LYPD6: variants seen among roughly 807,000 people sequenced by gnomAD.
The protein encoded by LYPD6 is ly6/PLAUR domain-containing protein 6.
A neutral mutation model predicts 22.7 loss-of-function variants in LYPD6; 15 were observed. That is an observed-to-expected ratio of 0.66 (90% confidence interval 0.44 to 1.02). The LOEUF (loss-of-function observed/expected upper bound fraction) is 1.02, where lower values mean the gene tolerates loss of function less well. Among genes scored for constraint, LYPD6 ranks in the 50% least tolerant of loss-of-function variants. The probability of loss-of-function intolerance (pLI) is 0.00; values close to 1 mark genes in which losing one functional copy is unlikely to be tolerated. For missense variants in LYPD6, 189 were observed against 208.4 expected (o/e 0.91, Z 0.57); for synonymous variants, 72 against 77.5 (o/e 0.93, Z 0.37).
At chr2:149,332,720 C>G (rs1680961885) in intron 1 of LYPD6, among the ~76,000 whole-genome samples, 1 of 152,054 alleles carries the variant, frequency 6.6e-6, no homozygotes, top group African/African-American at 2.4e-5. Flanking sequence ...ATTTCTGCAC[C>G]TCTTTTTACT....
In LYPD6 at chr2:149,357,762, CA is replaced by C. The variant is rs370190150; in HGVS notation, c.-72+27041del. Among the ~76,000 whole-genome samples, 216 of 149,126 alleles carry C rather than the reference CA, an allele frequency of 1.4e-3. 1 individual carries two copies. The highest frequency in any genetic ancestry group is 5.2e-3 in the African/African-American group (211 of 40,812). On this transcript the variant is annotated intron_variant, in intron 1 of 4. Transcript: ENST00000334166. ...TCTGTGCTCTCTAAATCATGAAATA[CA>C]TTTCTTTCTTTCTTTTCTTTGCTTT...
intron 1 of LYPD6, among the ~76,000 whole-genome samples, chr2:149,358,718 T>G (rs1297698642): frequency 6.6e-6 from 1 of 152,136 alleles, no homozygotes; most frequent in East Asian, 1.9e-4. Flanking sequence ...TTCTAGATAT[T>G]AGTAGTTTTC....
chr2:149,336,200 A>T (rs1197744433), intron 1 of LYPD6, among the ~76,000 whole-genome samples: 2 of 152,196 alleles, frequency 1.3e-5, no homozygotes, highest in African/African-American at 4.8e-5. Context: ...CTCTTCCAGG[A>T]AGTAGTTTGG....
In LYPD6 at chr2:149,374,282, A is replaced by G. The variant is rs1007023516; in HGVS notation, c.-72+43560A>G. Among the ~76,000 whole-genome samples, 5 of 152,316 alleles carry G rather than the reference A, an allele frequency of 3.3e-5. 1 individual carries two copies. Among genetic ancestry groups the G allele is most frequent in the Non-Finnish European group, 1.5e-5 (1 of 68,026 alleles). ...AGAAAAACAAAGGAAAAAAGTCTCAATTATGTTCAGGTCTGGAGTTTAGGA... is the reference window on the plus strand; with the variant it reads ...AGAAAAACAAAGGAAAAAAGTCTCAGTTATGTTCAGGTCTGGAGTTTAGGA... On this transcript the variant is annotated intron_variant, in intron 1 of 4. Coordinates refer to ENST00000334166, the MANE Select transcript of LYPD6 (RefSeq NM_194317.5).
chr2:149,341,150 C>G (rs1681152898), intron 1 of LYPD6, among the ~76,000 whole-genome samples: 1 of 152,046 alleles, frequency 6.6e-6, no homozygotes, highest in African/African-American at 2.4e-5. Flanking sequence ...TTGTTGAGTT[C>G]TTTTAATTCA....
chr2:149,407,355 C>A, intron 1 of LYPD6, among the ~76,000 whole-genome samples: 1 of 152,212 alleles, frequency 6.6e-6, no homozygotes, highest in Non-Finnish European at 1.5e-5. Context: ...TCCTCCCCAT[C>A]ACTTTCAGGT....
At chr2:149,338,195 G>T (rs1378596784) in intron 1 of LYPD6, among the ~76,000 whole-genome samples, 1 of 152,186 alleles carries the variant, frequency 6.6e-6, no homozygotes. Flanking sequence ...GGGTCAAGTG[G>T]TAATTCTGTT....
At chr2:149,412,538 A>G (rs1383174770) in intron 1 of LYPD6, among the ~76,000 whole-genome samples, 2 of 151,830 alleles carry the variant, frequency 1.3e-5, no homozygotes, top group Non-Finnish European at 2.9e-5. Flanking sequence ...CTGTTTCTCA[A>G]CTCTTAATAG....
chr2:149,386,408 C>T (rs185382547), intron 1 of LYPD6, among the ~76,000 whole-genome samples: 2 of 152,328 alleles, frequency 1.3e-5, no homozygotes, highest in Admixed American at 1.3e-4. Context: ...CCTCTTACCT[C>T]AGCTGCTAGA....
intron 1 of LYPD6, among the ~76,000 whole-genome samples, chr2:149,434,848 T>C (rs1281704929): frequency 6.6e-6 from 1 of 152,176 alleles, no homozygotes; most frequent in Non-Finnish European, 1.5e-5. Flanking sequence ...AGATCAATTA[T>C]ACTCTTTTAA....
chr2:149,343,332 TA>T (rs5835274), intron 1 of LYPD6, among the ~76,000 whole-genome samples: 3,173 of 151,728 alleles, frequency 0.021, 117 homozygotes, highest in African/African-American at 0.072. Flanking sequence ...TATAATAGAT[TA>T]AAAAAAAACT....
rs78236912 is a variant in LYPD6 at position 149,397,697 on chromosome 2, G to C, written c.-71-39941G>C. Reference sequence around the variant, plus strand: ...AGAATTTGCTTTTACTCTGAGAGCTGAATGATGTCTTGTATGAGTATAGAA... The same window carrying C: ...AGAATTTGCTTTTACTCTGAGAGCTCAATGATGTCTTGTATGAGTATAGAA... On this transcript the variant is annotated intron_variant, in intron 1 of 4. Coordinates refer to ENST00000334166, the MANE Select transcript of LYPD6 (RefSeq NM_194317.5). 2.4e-3 allele frequency among the ~76,000 whole-genome samples: 360 copies of C among 152,336 alleles called. 3 individuals carry two copies. The East Asian group carries it at 0.059, about 25-fold the overall frequency.
intron 1 of LYPD6, among the ~76,000 whole-genome samples, chr2:149,336,928 C>CGTGTGTGTGT (rs1553513649): frequency 6.1e-5 from 9 of 148,450 alleles, no homozygotes; most frequent in African/African-American, 1.7e-4. Flanking sequence ...GTTGAAATAA[C>CGTGTGTGTGT]GTGTGTGTGT....
chr2:149,376,026 G>A (rs750394710), intron 1 of LYPD6, among the ~76,000 whole-genome samples: 74 of 152,268 alleles, frequency 4.9e-4, no homozygotes, highest in Middle Eastern at 6.8e-3. Context: ...GATAGTGAAC[G>A]CACCTAAACA....
chr2:149,411,110 T>A lies in LYPD6; in HGVS notation c.-71-26528T>A, dbSNP rs114522495. Among the ~76,000 whole-genome samples the A allele has an allele frequency of 2.7e-3, 414 of 152,288 alleles. 1 individual carries two copies. The highest frequency in any genetic ancestry group is 9.3e-3 in the African/African-American group (388 of 41,564). ...GCAACATCAGCATCATCTAGGAAAC[T>A]GTTAGAAATGTAGTCTCAAGCTCCA... On this transcript the variant is annotated intron_variant, in intron 1 of 4. Coordinates refer to ENST00000334166, the MANE Select transcript of LYPD6 (RefSeq NM_194317.5).
intron 1 of LYPD6, among the ~76,000 whole-genome samples, chr2:149,401,104 C>T (rs1482005271): frequency 6.6e-6 from 1 of 152,178 alleles, no homozygotes; most frequent in Admixed American, 6.5e-5. Context: ...TAGTGGCTTC[C>T]ACTTACATCT....
chr2:149,362,303 A>G (rs942527482), intron 1 of LYPD6, among the ~76,000 whole-genome samples: 6 of 152,210 alleles, frequency 3.9e-5, no homozygotes, highest in African/African-American at 7.2e-5. Flanking sequence ...AGAGAAAAGC[A>G]TACAAATTTA....
intron 2 of LYPD6, among the ~76,000 whole-genome samples, chr2:149,446,934 A>G (rs1345019090): frequency 2.0e-5 from 3 of 152,168 alleles, no homozygotes; most frequent in East Asian, 1.9e-4. Flanking sequence ...TTTTGATAAC[A>G]TATCTAATTG....
intron 1 of LYPD6, among the ~76,000 whole-genome samples, chr2:149,360,111 A>C (rs1439328369): frequency 6.6e-6 from 1 of 152,196 alleles, no homozygotes; most frequent in Non-Finnish European, 1.5e-5. Context: ...TGATGTTGCT[A>C]TGGCATTTGT....
Sources: gnomAD v4.1 joint callset for allele counts (sites outside exome capture counted in the v4.1 genomes callset) on GRCh38, gnomAD v4.1.1 for gene constraint, MANE v1.5 for transcripts, NCBI Gene and HGNC (gene_info 2026-07-23, HGNC 2026-07-21) for gene names.